The following TMTC2 variants were observed in gnomAD, a reference collection of about 807,000 sequenced individuals.
TMTC2 encodes protein O-mannosyl-transferase TMTC2.
A neutral mutation model predicts 82.4 loss-of-function variants in TMTC2; 43 were observed. That is an observed-to-expected ratio of 0.52 (90% CI 0.41 to 0.67). The LOEUF (loss-of-function observed/expected upper bound fraction) is 0.67, where lower values mean the gene tolerates loss of function less well. TMTC2 is among the 30% of genes least tolerant of loss of function. The pLI, the probability that TMTC2 is intolerant of heterozygous loss-of-function variation, is 0.00. For missense variants in TMTC2, 919 were observed against 1,012.4 expected (o/e 0.91, Z 1.25); for synonymous variants, 408 against 381.9 (o/e 1.07, Z -0.80).
intron 1 of TMTC2, among the ~76,000 whole-genome samples, chr12:82,731,134 A>G (rs185565571): frequency 1.2e-4 from 18 of 152,362 alleles, no homozygotes; most frequent in Admixed American, 9.1e-4. Context: ...AAAAAAATCG[A>G]GTATTGGCTG....
At chr12:83,093,208 C>A (rs1394188527) in intron 11 of TMTC2, among the ~76,000 whole-genome samples, 1 of 152,136 alleles carries the variant, frequency 6.6e-6, no homozygotes, top group Non-Finnish European at 1.5e-5. Context: ...TAATGAAACA[C>A]TAGAAAAGAA....
intron 1 of TMTC2, among the ~76,000 whole-genome samples, chr12:82,828,456 C>T (rs530932331): frequency 2.4e-4 from 36 of 152,072 alleles, no homozygotes; most frequent in African/African-American, 8.7e-4. Flanking sequence ...CACCTCAGTC[C>T]CCCAAAGTGC....
intron 1 of TMTC2, among the ~76,000 whole-genome samples, chr12:82,827,521 C>T (rs937108910): frequency 6.6e-6 from 1 of 152,132 alleles, no homozygotes; most frequent in African/African-American, 2.4e-5. Flanking sequence ...TTGAATAACC[C>T]AGGTTAAATT....
intron 2 of TMTC2, among the ~76,000 whole-genome samples, chr12:82,861,569 G>T (rs931013974): frequency 6.6e-6 from 1 of 152,050 alleles, no homozygotes; most frequent in East Asian, 1.9e-4. Flanking sequence ...TAAGTTCTTG[G>T]CATGTAGTAG....
chr12:82,819,444 C>G (rs895647443), intron 1 of TMTC2, among the ~76,000 whole-genome samples: 12 of 150,408 alleles, frequency 8.0e-5, no homozygotes, highest in African/African-American at 2.9e-4. Context: ...ATGGGATATT[C>G]AGAACTAGAC....
intron 2 of TMTC2, among the ~76,000 whole-genome samples, chr12:82,875,018 T>G (rs1013683906): frequency 1.3e-5 from 2 of 152,292 alleles, no homozygotes; most frequent in Admixed American, 1.3e-4. Context: ...AAAGGCCAGA[T>G]AGTCAATGTT....
intron 3 of TMTC2, among the ~76,000 whole-genome samples, chr12:82,924,175 C>T (rs1055604490): frequency 1.3e-5 from 2 of 152,262 alleles, no homozygotes; most frequent in African/African-American, 2.4e-5. Flanking sequence ...CTACTTCTTG[C>T]GCTGAGAGAG....
At chr12:82,737,894 A>G (rs912831048) in intron 1 of TMTC2, among the ~76,000 whole-genome samples, 4 of 152,218 alleles carry the variant, frequency 2.6e-5, no homozygotes, top group African/African-American at 9.6e-5. Context: ...CCCTGATGTT[A>G]TTCTTCCAAG....
At chr12:82,949,829 G>C (rs1006086695) in intron 4 of TMTC2, among the ~76,000 whole-genome samples, 1 of 152,166 alleles carries the variant, frequency 6.6e-6, no homozygotes, top group African/African-American at 2.4e-5. Context: ...CCACGTCCAT[G>C]AAGAGGAGTG....
chr12:82,724,314 G>C (rs1874342765), intron 1 of TMTC2, among the ~76,000 whole-genome samples: 1 of 152,264 alleles, frequency 6.6e-6, no homozygotes, highest in South Asian at 2.1e-4. Flanking sequence ...TATTAGACTT[G>C]TGATATGGTT....
chr12:83,073,537 A>G (rs1883187837), intron 11 of TMTC2, among the ~76,000 whole-genome samples: 1 of 152,170 alleles, frequency 6.6e-6, no homozygotes, highest in Non-Finnish European at 1.5e-5. Context: ...TAGCAAGGCC[A>G]GGGAAGTTTT....
intron 10 of TMTC2, among the ~76,000 whole-genome samples, chr12:83,052,146 GAA>G (rs1389248536): frequency 1.3e-5 from 2 of 151,894 alleles, no homozygotes; most frequent in African/African-American, 4.8e-5. Context: ...CTCTTACAAG[GAA>G]AGAATAATAA....
At chr12:82,754,745 A>G (rs1281681940) in intron 1 of TMTC2, among the ~76,000 whole-genome samples, 2 of 62,508 alleles carry the variant, frequency 3.2e-5, no homozygotes, top group African/African-American at 7.7e-5. Context: ...TCAAAAAAAT[A>G]AAAATAAATA....
intron 1 of TMTC2, among the ~76,000 whole-genome samples, chr12:82,736,656 T>C (rs968160116): frequency 1.3e-5 from 2 of 152,250 alleles, no homozygotes; most frequent in Non-Finnish European, 2.9e-5. Context: ...GGTCTGGGCA[T>C]TATTCCCATG....
chr12:82,973,549 G>T (rs1878538184), intron 7 of TMTC2, among the ~76,000 whole-genome samples: 1 of 152,020 alleles, frequency 6.6e-6, no homozygotes, highest in African/African-American at 2.4e-5. Flanking sequence ...TCTCCTAAAA[G>T]TTTCTCTTAA....
At chr12:82,756,665 T>G (rs1277937859) in intron 1 of TMTC2, among the ~76,000 whole-genome samples, 4 of 152,204 alleles carry the variant, frequency 2.6e-5, no homozygotes, top group Non-Finnish European at 4.4e-5. Context: ...GCTTTAGAAA[T>G]GATCACCAAC....
intron 3 of TMTC2, among the ~76,000 whole-genome samples, chr12:82,924,810 G>A (rs1180759671): frequency 6.6e-6 from 1 of 152,114 alleles, no homozygotes; most frequent in Non-Finnish European, 1.5e-5. Flanking sequence ...CTCTGCAGAG[G>A]AGTCAAGAGT....
rs1201039063 is a variant in TMTC2 at position 82,857,380 on chromosome 12, TTGCTCTG to T, written c.455_461del (p.Leu152SerfsTer37). 2 of 1,614,064 alleles carry T rather than the reference TTGCTCTG, an allele frequency of 1.2e-6. No individual in the cohort carries two copies. Among genetic ancestry groups the T allele is most frequent in the Non-Finnish European group, 1.7e-6 (2 of 1,180,032 alleles). ...GGCCAGTCTCTTCTTTCTCCTCTCC[TTGCTCTG>T]CTACATTAAACACTGTTCTACAAGA... On this transcript the variant is annotated frameshift_variant, in exon 2 of 12. Transcript: ENST00000321196. LOFTEE classifies it high-confidence loss of function.
intron 1 of TMTC2, among the ~76,000 whole-genome samples, chr12:82,728,621 G>A (rs993009613): frequency 6.6e-6 from 1 of 152,218 alleles, no homozygotes; most frequent in Non-Finnish European, 1.5e-5. Flanking sequence ...AGCCCTCACA[G>A]CCCTCGCTTG....
Sources: gnomAD v4.1 joint callset for allele counts (sites outside exome capture counted in the v4.1 genomes callset) on GRCh38, gnomAD v4.1.1 for gene constraint, MANE v1.5 for transcripts, NCBI Gene and HGNC (gene_info 2026-07-23, HGNC 2026-07-21) for gene names.